Variants in CALN1 observed in about 807,000 individuals in gnomAD.
CALN1 encodes calcium-binding protein 8.
CALN1 carries 17 observed loss-of-function variants against 30.6 expected under a neutral mutation model. That is an observed-to-expected ratio of 0.56 (90% CI 0.38 to 0.83). The LOEUF is 0.83. CALN1 is among the 40% of genes least tolerant of loss of function. The pLI is 0.00. For synonymous variants in CALN1, 156 were observed against 131.4 expected, an observed-to-expected ratio of 1.19 and a Z score of -1.28; for missense variants, 291 against 354.9, an observed-to-expected ratio of 0.82 and a Z score of 1.45.
chr7:71,793,761 C>T (rs1050498176), intron 6 of CALN1, among the ~76,000 whole-genome samples: 4 of 151,792 alleles, frequency 2.6e-5, no homozygotes, highest in Non-Finnish European at 4.4e-5. Context: ...CTGTAATCCC[C>T]GCTACTCGGG....
chr7:72,254,438 G>A (rs890817627), intron 3 of CALN1, among the ~76,000 whole-genome samples: 2 of 152,066 alleles, frequency 1.3e-5, no homozygotes, highest in Non-Finnish European at 2.9e-5. Context: ...TCCCCTGCCT[G>A]GATCCATCGT....
intron 5 of CALN1, among the ~76,000 whole-genome samples, chr7:71,868,723 A>T (rs1224918769): frequency 6.6e-6 from 1 of 152,028 alleles, no homozygotes; most frequent in Non-Finnish European, 1.5e-5. Flanking sequence ...CACCCCCATG[A>T]TCCAGTCACC....
At chr7:71,895,864 T>C (rs1793504817) in intron 5 of CALN1, among the ~76,000 whole-genome samples, 1 of 152,176 alleles carries the variant, frequency 6.6e-6, no homozygotes, top group Non-Finnish European at 1.5e-5. Context: ...GCAGTGACTT[T>C]TACACCAATC....
At chr7:71,870,217 T>C (rs1343917305) in intron 5 of CALN1, among the ~76,000 whole-genome samples, 1 of 152,148 alleles carries the variant, frequency 6.6e-6, no homozygotes, top group Non-Finnish European at 1.5e-5. Context: ...ACCCCGTCTC[T>C]ACTAAGAATA....
At chr7:72,311,029 G>A (rs1319441052) in intron 2 of CALN1, among the ~76,000 whole-genome samples, 1 of 151,448 alleles carries the variant, frequency 6.6e-6, no homozygotes, top group Non-Finnish European at 1.5e-5. Flanking sequence ...TTCCAGTTAT[G>A]CCAAGTGTGC....
chr7:71,790,385 AAAG>A lies in CALN1; in HGVS notation c.659-2486_659-2484del, dbSNP rs1562780151. Among the ~76,000 whole-genome samples, 10 of 78,740 alleles carry A rather than the reference AAAG, an allele frequency of 1.3e-4. 1 individual carries two copies. In the South Asian group the frequency reaches 1.3e-3, roughly 10 times the overall value. 51.7% of individuals were successfully genotyped at this position (78,740 alleles called of 152,430 possible). A position where few individuals can be genotyped will look rare whatever the true frequency, so the allele number is the denominator to read the frequency against. ...AAAGAAAGAAAAGAAAGAAAGAAAGAAAGAAAGAAAGAAAGAAAGAAAGAAAGA... is the reference window on the plus strand; with the variant it reads ...AAAGAAAGAAAAGAAAGAAAGAAAGAAAAGAAAGAAAGAAAGAAAGAAAGA... On this transcript the variant is annotated intron_variant, in intron 6 of 6. Transcript: ENST00000395275.
At chr7:72,459,259 G>A in the CALN1 span, among the ~76,000 whole-genome samples, 19 of 152,182 alleles carry the variant, frequency 1.2e-4, no homozygotes, top group African/African-American at 3.9e-4. Flanking sequence ...TAAAATGCGC[G>A]ATTTTTCAAC....
chr7:71,884,774 C>A (rs1476066693), intron 5 of CALN1, among the ~76,000 whole-genome samples: 2 of 152,136 alleles, frequency 1.3e-5, no homozygotes, highest in East Asian at 3.9e-4. Context: ...ACCCCGAAAC[C>A]TGTTTCTTTG....
chr7:72,096,643 C>G (rs1315044666), intron 4 of CALN1, among the ~76,000 whole-genome samples: 2 of 152,152 alleles, frequency 1.3e-5, no homozygotes, highest in Non-Finnish European at 2.9e-5. Flanking sequence ...GCAAAGCTAG[C>G]TGGATTCACT....
chr7:72,456,506 C>T, the CALN1 span, among the ~76,000 whole-genome samples: 5 of 152,028 alleles, frequency 3.3e-5, no homozygotes, highest in East Asian at 1.9e-4. Flanking sequence ...CCACTGCACT[C>T]GAGCCCATGA....
At chr7:72,462,141 C>T in the CALN1 span, among the ~76,000 whole-genome samples, 11 of 146,876 alleles carry the variant, frequency 7.5e-5, no homozygotes, top group African/African-American at 3.0e-4. Flanking sequence ...TCACTGTGGT[C>T]CCTTTATTTA....
At chr7:72,431,886 T>A (rs978159407) in intron 1 of CALN1, among the ~76,000 whole-genome samples, 2 of 150,938 alleles carry the variant, frequency 1.3e-5, no homozygotes, top group Non-Finnish European at 2.9e-5. Flanking sequence ...TCAGAGAATG[T>A]TTTGGGACAG....
At chr7:72,187,596 C>T (rs1448396736) in intron 3 of CALN1, among the ~76,000 whole-genome samples, 1 of 152,068 alleles carries the variant, frequency 6.6e-6, no homozygotes, top group South Asian at 2.1e-4. Flanking sequence ...TAGTTTTATC[C>T]CAAAACCATC....
intron 5 of CALN1, among the ~76,000 whole-genome samples, chr7:71,885,873 C>T (rs1020169297): frequency 2.0e-5 from 3 of 152,206 alleles, no homozygotes; most frequent in African/African-American, 7.2e-5. Context: ...TCTTGCAAAC[C>T]TTGCTGTACA....
chr7:72,208,515 T>A (rs990673231), intron 3 of CALN1, among the ~76,000 whole-genome samples: 1 of 152,234 alleles, frequency 6.6e-6, no homozygotes, highest in African/African-American at 2.4e-5. Context: ...TGGATATGCC[T>A]GCTACAACAA....
chr7:72,050,365 G>C (rs1440290958), intron 4 of CALN1, among the ~76,000 whole-genome samples: 2 of 151,870 alleles, frequency 1.3e-5, no homozygotes, highest in African/African-American at 2.4e-5. Context: ...TATACAGAAT[G>C]CTGTAGGAAA....
At chr7:72,142,682 G>C (rs977039447) in intron 3 of CALN1, among the ~76,000 whole-genome samples, 5 of 152,188 alleles carry the variant, frequency 3.3e-5, no homozygotes, top group Non-Finnish European at 7.3e-5. Context: ...GCCTCCTCAA[G>C]TGGGTCCTTG....
At chr7:72,474,082 T>C in the CALN1 span, among the ~76,000 whole-genome samples, 1 of 152,236 alleles carries the variant, frequency 6.6e-6, no homozygotes, top group South Asian at 2.1e-4. Context: ...GGCAATAAGA[T>C]CATAACATTT....
intron 3 of CALN1, among the ~76,000 whole-genome samples, chr7:72,193,725 A>C (rs775987057): frequency 1.4e-4 from 22 of 152,230 alleles, no homozygotes; most frequent in Non-Finnish European, 2.6e-4. Flanking sequence ...AGGTTCAGTA[A>C]AAATATTCTA....
Sources: allele counts gnomAD v4.1 joint callset (sites outside exome capture counted in the v4.1 genomes callset), GRCh38; gene constraint gnomAD v4.1.1; transcripts MANE v1.5; gene names NCBI Gene and HGNC (gene_info 2026-07-23, HGNC 2026-07-21).